The following PDCD6IP variants were observed in gnomAD, a reference collection of about 807,000 sequenced individuals.
PDCD6IP encodes programmed cell death 6-interacting protein.
PDCD6IP carries 43 observed loss-of-function variants against 103.7 expected under a neutral mutation model. The ratio of observed to expected loss-of-function variants is 0.41; its 90% confidence interval spans 0.32 to 0.53. The LOEUF (loss-of-function observed/expected upper bound fraction) is 0.53, where lower values mean the gene tolerates loss of function less well. Among genes scored for constraint, PDCD6IP ranks in the 20% least tolerant of loss-of-function variants. PDCD6IP has a pLI of 0.16. For missense variants in PDCD6IP, 871 were observed against 1,036.7 expected (o/e 0.84, Z 2.20); for synonymous variants, 354 against 378.7 (o/e 0.93, Z 0.76).
chr3:33,834,110 C>T (rs1436416953), intron 7 of PDCD6IP, among the ~76,000 whole-genome samples: 1 of 152,100 alleles, frequency 6.6e-6, no homozygotes, highest in Non-Finnish European at 1.5e-5. Context: ...TTCTGCTCCC[C>T]CTAGCAACCC....
chr3:33,859,517 TGAG>T (rs984272978), intron 15 of PDCD6IP, among the ~76,000 whole-genome samples: 40 of 151,916 alleles, frequency 2.6e-4, no homozygotes, highest in African/African-American at 8.2e-4. Flanking sequence ...AATAGAAAAC[TGAG>T]GAGAAGACGC....
rs564939485 is a variant in PDCD6IP at position 33,833,506 on chromosome 3, T to G, written c.835-2538T>G. Among the ~76,000 whole-genome samples the G allele has an allele frequency of 1.2e-4, 18 of 152,342 alleles. No homozygotes were observed. The South Asian group carries it at 3.5e-3, about 30-fold the overall frequency. On this transcript the variant is annotated intron_variant, in intron 7 of 17. Coordinates refer to ENST00000307296, the MANE Select transcript of PDCD6IP (RefSeq NM_013374.6). Reference sequence around the variant, plus strand: ...TTGTATAAATGTCTCAGTCTTGCTTTCTTAAATAAATTTGTATTTTTCTTT... The same window carrying G: ...TTGTATAAATGTCTCAGTCTTGCTTGCTTAAATAAATTTGTATTTTTCTTT...
At chr3:33,807,572 A>G (rs1372242951) in intron 1 of PDCD6IP, among the ~76,000 whole-genome samples, 3 of 152,124 alleles carry the variant, frequency 2.0e-5, no homozygotes, top group Non-Finnish European at 4.4e-5. Context: ...GCAGGTGCCC[A>G]CAGTAGACTC....
chr3:33,818,617 C>G (rs1249299925), intron 3 of PDCD6IP, among the ~76,000 whole-genome samples: 4 of 146,210 alleles, frequency 2.7e-5, no homozygotes, highest in African/African-American at 5.1e-5. Flanking sequence ...CTCCAAGGTT[C>G]AAGCGATTAT....
At chr3:33,824,790 C>G (rs4334593) in intron 4 of PDCD6IP, among the ~76,000 whole-genome samples, 39,947 of 151,998 alleles carry the variant, frequency 0.26, 5,547 homozygotes, top group East Asian at 0.39. Context: ...CCCCTAACTA[C>G]GGCATGTTTA....
chr3:33,843,150 GT>G (rs1697513738), intron 10 of PDCD6IP, among the ~76,000 whole-genome samples: 1 of 152,054 alleles, frequency 6.6e-6, no homozygotes, highest in Non-Finnish European at 1.5e-5. Context: ...AATACTTCTT[GT>G]TTTTTCTTTT....
At chr3:33,857,546 T>C (rs1373701940) in intron 15 of PDCD6IP, among the ~76,000 whole-genome samples, 1 of 152,220 alleles carries the variant, frequency 6.6e-6, no homozygotes, top group East Asian at 1.9e-4. Flanking sequence ...GTTTCAGTTA[T>C]GAATATGGAT....
At chr3:33,826,897 G>A (rs2125557400) in intron 6 of PDCD6IP, 1 of 1,101,868 alleles carries the variant, frequency 9.1e-7, no homozygotes, top group Non-Finnish European at 1.1e-6. Flanking sequence ...AATCATTGGT[G>A]ATTTGGTACA....
chr3:33,799,159 C>T, intron 1 of PDCD6IP: 2 of 576,958 alleles, frequency 3.5e-6, no homozygotes, highest in Non-Finnish European at 3.1e-6. Context: ...CTGCTCTAGC[C>T]CTTGGTCGGC....
intron 1 of PDCD6IP, among the ~76,000 whole-genome samples, chr3:33,805,290 G>C (rs1164416292): frequency 6.7e-6 from 1 of 149,892 alleles, no homozygotes; most frequent in African/African-American, 2.5e-5. Context: ...GGAAGGTGGA[G>C]GTTGCAGTGA....
chr3:33,829,798 G>T (rs2125559120), intron 7 of PDCD6IP, among the ~76,000 whole-genome samples: 1 of 152,240 alleles, frequency 6.6e-6, no homozygotes, highest in South Asian at 2.1e-4. Flanking sequence ...CTGGGTAATT[G>T]ATAAAGAACA....
rs551600755 is a variant in PDCD6IP, at chr3:33,860,482, A to G, written c.2121-3524A>G. Among the ~76,000 whole-genome samples the G allele has an allele frequency of 6.6e-5, 10 of 152,318 alleles. No individual in the cohort carries two copies. In the South Asian group the frequency reaches 2.1e-3, roughly 32 times the overall value. ...GTACACCCAGGCAACCAGCACTTAAATCAATACACAGAAAATTCTCAGCAC... is the reference window on the plus strand; with the variant it reads ...GTACACCCAGGCAACCAGCACTTAAGTCAATACACAGAAAATTCTCAGCAC... On this transcript the variant is annotated intron_variant, in intron 15 of 17. Coordinates refer to ENST00000307296, the MANE Select transcript of PDCD6IP (RefSeq NM_013374.6).
Position 33,852,603 on chromosome 3 carries a change from C to A in PDCD6IP, c.1757C>A (p.Thr586Lys). 6.2e-7 allele frequency: 1 copy of A among 1,601,574 alleles called. No individual in the cohort carries two copies. The highest frequency in any genetic ancestry group is 8.5e-7 in the Non-Finnish European group (1 of 1,176,208). ...VNFDMTSKFL[T>K]ALAQDGVINE... is the part of the protein sequence containing the mutation. ...TTTGACATGACAAGCAAGTTTTTGA[C>A]AGCCCTGGCTCAAGATGGTGTGATA... Residue 586 changes from threonine to lysine, a missense_variant, in exon 13 of 18, where the codon ACA becomes AAA. Thr to Lys is a moderately conservative substitution (Grantham distance 78). This residue lies in a region of PDCD6IP where 266 missense variants were observed against 390.5 expected (regional missense o/e 0.68). Transcript: ENST00000307296.
At chr3:33,799,975 C>T (rs1696434223) in intron 1 of PDCD6IP, among the ~76,000 whole-genome samples, 1 of 151,864 alleles carries the variant, frequency 6.6e-6, no homozygotes, top group Non-Finnish European at 1.5e-5. Context: ...AACAAATTAG[C>T]CGGGCGTGGT....
intron 1 of PDCD6IP, among the ~76,000 whole-genome samples, chr3:33,800,075 G>C (rs1298251843): frequency 2.2e-5 from 3 of 137,704 alleles, no homozygotes; most frequent in African/African-American, 8.5e-5. Flanking sequence ...AGCCGAGATC[G>C]CGCCACTGCA....
At chr3:33,866,010 A>G (rs1698055270) in intron 17 of PDCD6IP, among the ~76,000 whole-genome samples, 1 of 152,200 alleles carries the variant, frequency 6.6e-6, no homozygotes, top group Non-Finnish European at 1.5e-5. Context: ...AATATTGAAT[A>G]TTGTGGAAGA....
intron 1 of PDCD6IP, among the ~76,000 whole-genome samples, chr3:33,801,395 A>G (rs557813652): frequency 6.6e-6 from 1 of 152,340 alleles, no homozygotes. Flanking sequence ...ATGCAGCTCC[A>G]TATATTGCTC....
chr3:33,822,160 A>T (rs990964901), intron 4 of PDCD6IP, 78 bp downstream of exon 4: 1 of 1,419,302 alleles, frequency 7.0e-7, no homozygotes, highest in East Asian at 2.3e-5. Flanking sequence ...ATTTAGGTTT[A>T]TAGATACTTC....
chr3:33,862,332 GT>G (rs1697972731), intron 15 of PDCD6IP, among the ~76,000 whole-genome samples: 1 of 151,974 alleles, frequency 6.6e-6, no homozygotes, highest in Non-Finnish European at 1.5e-5. Flanking sequence ...TGCGGACAGT[GT>G]GGGGCTTTGC....
Sources: gnomAD v4.1 joint callset for allele counts (sites outside exome capture counted in the v4.1 genomes callset) on GRCh38, gnomAD v4.1.1 for gene constraint, gnomAD v4.1.1 regional missense constraint, MANE v1.5 for transcripts, NCBI Gene and HGNC (gene_info 2026-07-23, HGNC 2026-07-21) for gene names.